ADH5: variants seen among roughly 807,000 people sequenced by gnomAD.
ADH5 encodes alcohol dehydrogenase class-3.
A neutral mutation model predicts 40.3 loss-of-function variants in ADH5; 32 were observed. The ratio of observed to expected loss-of-function variants is 0.79; its 90% CI spans 0.60 to 1.07. The LOEUF (loss-of-function observed/expected upper bound fraction) is 1.07. ADH5 is among the 50% of genes least tolerant of loss of function. The pLI is 0.00. For missense variants in ADH5, 353 were observed against 460.5 expected (o/e 0.77, Z 2.14); for synonymous variants, 125 against 154.3 (o/e 0.81, Z 1.41).
At position 99,085,105 on chromosome 4, in the gene ADH5, G is replaced by A. The variant is rs975478453; in HGVS notation, c.114+10C>T. On this transcript the variant is annotated intron_variant, in intron 2 of 8. Coordinates refer to ENST00000296412, the MANE Select transcript of ADH5 (RefSeq NM_000671.4). ...CTCTTTTTTTCCCAGTGCCTTAAAT[G>A]TATCATTACCTTGATTCGAACTTCA... 4.9e-6 allele frequency: 7 copies of A among 1,440,854 alleles called. No homozygotes were observed. The highest frequency in any genetic ancestry group is 5.6e-6 in the Non-Finnish European group (6 of 1,079,162). 89.3% of individuals were successfully genotyped at this position (1,440,854 alleles called of 1,614,324 possible). A position where few individuals can be genotyped will look rare whatever the true frequency, so the allele number is the denominator to read the frequency against.
chr4:99,088,355 G>T (rs1458804624), intron 1 of ADH5, among the ~76,000 whole-genome samples: 1 of 152,122 alleles, frequency 6.6e-6, no homozygotes, highest in Admixed American at 6.5e-5. Context: ...ACTTAATTTC[G>T]TGTAAGAAGC....
In ADH5 at chr4:99,082,010, TC is replaced by T; in HGVS notation, c.220del (p.Glu74LysfsTer10). ...CTTAGTAACTCCCTCACCAACACTT[TC>T]CACAATTCCAGCACCTTCATGTCCC... ...ILGHEGAGIV[E>X]SVGEGVTKLK... On this transcript the variant is annotated frameshift_variant, in exon 3 of 9. Coordinates refer to ENST00000296412, the MANE Select transcript of ADH5 (RefSeq NM_000671.4). LOFTEE classifies it high-confidence loss of function. The T allele has an allele frequency of 6.2e-7, 1 of 1,613,840 alleles. No homozygotes were observed. The highest frequency in any genetic ancestry group is 1.1e-5 in the South Asian group (1 of 91,080).
intron 2 of ADH5, among the ~76,000 whole-genome samples, chr4:99,083,505 CAGG>C (rs1299217569): frequency 7.7e-5 from 11 of 143,112 alleles, no homozygotes; most frequent in East Asian, 2.2e-4. Flanking sequence ...GAGGCCGAAG[CAGG>C]AGAATTGCTT....
intron 4 of ADH5, among the ~76,000 whole-genome samples, chr4:99,079,508 G>A (rs1727988390): frequency 6.6e-6 from 1 of 152,152 alleles, no homozygotes; most frequent in East Asian, 1.9e-4. Flanking sequence ...AGCTTATCGG[G>A]TGCTGGCAGG....
At chr4:99,081,741 C>G (rs1728028150) in intron 3 of ADH5, 1 of 577,106 alleles carries the variant, frequency 1.7e-6, no homozygotes, top group African/African-American at 1.9e-5. Context: ...CTTAATATGC[C>G]AAAATTGGTT....
At chr4:99,076,179 A>G in intron 6 of ADH5, 113 bp downstream of exon 6, 1 of 1,125,058 alleles carries the variant, frequency 8.9e-7, no homozygotes, top group South Asian at 1.6e-5. Flanking sequence ...TTTCACTAGA[A>G]AAATTCTTAT....
At chr4:99,083,593 C>G (rs1171809106) in intron 2 of ADH5, among the ~76,000 whole-genome samples, 2 of 106,628 alleles carry the variant, frequency 1.9e-5, no homozygotes, top group Non-Finnish European at 3.7e-5. Flanking sequence ...GAGTGAAACT[C>G]TGTCTCCAAA....
chr4:99,076,066 C>T, intron 6 of ADH5: 1 of 519,118 alleles, frequency 1.9e-6, no homozygotes, highest in Non-Finnish European at 3.4e-6. Flanking sequence ...ATGAGACATG[C>T]ACTTAGCAGG....
At position 99,081,419 on chromosome 4, in the gene ADH5, C is replaced by T; in HGVS notation, c.290G>A (p.Cys97Tyr). Residue 97 changes from cysteine (C) to tyrosine (Y), a missense_variant, in exon 4 of 9, where the codon TGT (cysteine) becomes TAT (tyrosine). Physicochemically the swap from Cys to Tyr is radical, Grantham distance 194. Coordinates refer to ENST00000296412, the MANE Select transcript of ADH5 (RefSeq NM_000671.4). The part of the protein sequence containing the change: ...DTVIPLYIPQ[C>Y]GECKFCLNPK... ...ATTTAGACAAAATTTGCATTCTCCA[C>T]ACTGTGGGATGTAAAGTGGGATGAC... 2 of 1,610,160 alleles carry T rather than the reference C, an allele frequency of 1.2e-6. No homozygotes were observed. Among genetic ancestry groups the T allele is most frequent in the Middle Eastern group, 1.7e-4 (1 of 6,056 alleles).
rs372642917 is a variant in ADH5, at chr4:99,088,718, G to C, written c.-18C>G. On this transcript the variant is annotated 5_prime_UTR_variant, in exon 1 of 9. Transcript: ENST00000296412. ...TTCGCCATGTTCACGGATTCTGGTC[G>C]GCGCGGGGGGCTGACATCCGGGGTG... 2 of 1,605,850 alleles carry C rather than the reference G, an allele frequency of 1.2e-6. No individual in the cohort carries two copies. The highest frequency in any genetic ancestry group is 1.7e-6 in the Non-Finnish European group (2 of 1,175,562).
chr4:99,079,139 A>G (rs774830373), intron 4 of ADH5, among the ~76,000 whole-genome samples: 1 of 152,250 alleles, frequency 6.6e-6, no homozygotes, highest in African/African-American at 2.4e-5. Context: ...CAGCAATTAT[A>G]ATCTCAAGAA....
intron 1 of ADH5, among the ~76,000 whole-genome samples, chr4:99,088,121 T>A (rs1049349913): frequency 2.6e-5 from 4 of 152,076 alleles, no homozygotes; most frequent in African/African-American, 9.7e-5. Context: ...CGCAGAGGTG[T>A]TTGTTACGTG....
Position 99,074,272 on chromosome 4 carries a change from C to G in ADH5, c.961+642G>C, listed in dbSNP as rs530280082. On this transcript the variant is annotated intron_variant, in intron 7 of 8. Coordinates refer to ENST00000296412, the MANE Select transcript of ADH5 (RefSeq NM_000671.4). Reference sequence around the variant, plus strand: ...ATTCATTCACAACTGTTGGGAAATACAAACATGTTGTGACATCTTTTCTCT... The same window carrying G: ...ATTCATTCACAACTGTTGGGAAATAGAAACATGTTGTGACATCTTTTCTCT... Among the ~76,000 whole-genome samples, 31 of 152,188 alleles carry G rather than the reference C, an allele frequency of 2.0e-4. 1 individual carries two copies. Among genetic ancestry groups the G allele is most frequent in the Admixed American group, 1.8e-3 (27 of 15,288 alleles).
chr4:99,073,710 CA>C (rs1190153848), intron 7 of ADH5, among the ~76,000 whole-genome samples: 2 of 152,068 alleles, frequency 1.3e-5, no homozygotes, highest in Non-Finnish European at 2.9e-5. Flanking sequence ...CTGAGATGAC[CA>C]CAGTCACTCC....
In ADH5 at chr4:99,076,456, C is replaced by G; in HGVS notation, c.661G>C (p.Gly221Arg). 1 of 1,614,090 alleles carries G rather than the reference C, an allele frequency of 6.2e-7. No homozygotes were observed. The highest frequency in any genetic ancestry group is 1.1e-5 in the South Asian group (1 of 91,076). Residue 221 changes from glycine (G) to arginine (R), a missense_variant, in exon 6 of 9, where the codon GGT becomes CGT. Coordinates refer to ENST00000296412, the MANE Select transcript of ADH5 (RefSeq NM_000671.4). The stretch of plus-strand genomic sequence containing the variant: ...AATTTATCTTTATTGATGTCCACAC[C>G]AATGATCCGGGAAGCACCAGCCACT... ...CKVAGASRII[G>R]VDINKDKFAR...
At chr4:99,088,633 C>T (rs1728198576) in intron 1 of ADH5, 56 bp downstream of exon 1, 5 of 1,570,488 alleles carry the variant, frequency 3.2e-6, no homozygotes, top group Non-Finnish European at 4.3e-6. Context: ...GCAGCCTAGT[C>T]CCATGCCATG....
At chr4:99,077,780 A>G (rs1727956759) in intron 4 of ADH5, among the ~76,000 whole-genome samples, 1 of 152,246 alleles carries the variant, frequency 6.6e-6, no homozygotes, top group African/African-American at 2.4e-5. Context: ...GGCCACTGAT[A>G]TAATAAATGG....
chr4:99,072,708 C>T lies in ADH5; in HGVS notation c.965G>A (p.Trp322Ter), dbSNP rs1429523192. Residue 322 changes from tryptophan (W) to a stop codon, truncating the protein, a stop_gained, in exon 8 of 9, where the codon TGG becomes TAG. Transcript: ENST00000296412. LOFTEE classifies it high-confidence loss of function. The stretch of plus-strand genomic sequence containing the variant: ...CTTTGGGACACTTTCTACACTCTTC[C>T]ATCCTAAAAGAAATCACACATTAAT... ...RTWKGTAFGGWKSVESVPKLV... is the reference protein window; with the variant it reads ...RTWKGTAFGG The T allele has an allele frequency of 1.2e-6, 2 of 1,605,642 alleles. No homozygotes were observed. The highest frequency in any genetic ancestry group is 1.3e-5 in the African/African-American group (1 of 74,420).
At position 99,076,518 on chromosome 4, in the gene ADH5, A is replaced by G. The variant is rs1160575184; in HGVS notation, c.599T>C (p.Leu200Pro). The G allele has an allele frequency of 7.4e-6, 12 of 1,614,090 alleles. No homozygotes were observed. The highest frequency in any genetic ancestry group is 1.0e-5 in the Non-Finnish European group (12 of 1,179,920). Residue 200 changes from leucine to proline, a missense_variant, in exon 6 of 9, where the codon CTG becomes CCG. Coordinates refer to ENST00000296412, the MANE Select transcript of ADH5 (RefSeq NM_000671.4). ...GATAACTGCCAATCCGACTCCTCCCAGACCAAAGACGGCACAAACAGAGCC... is the reference window on the plus strand; with the variant it reads ...GATAACTGCCAATCCGACTCCTCCCGGACCAAAGACGGCACAAACAGAGCC... ...EPGSVCAVFG[L>P]GGVGLAVIMG...
Sources: allele counts gnomAD v4.1 joint callset (sites outside exome capture counted in the v4.1 genomes callset), GRCh38; gene constraint gnomAD v4.1.1; transcripts MANE v1.5; gene names NCBI Gene and HGNC (gene_info 2026-07-23, HGNC 2026-07-21).